The following TP63 variants were observed in gnomAD, a reference collection of about 807,000 sequenced individuals.
TP63 encodes tumor protein p63, also known as tumor protein 63.
TP63 carries 17 observed loss-of-function variants against 82.8 expected under a neutral mutation model. The ratio of observed to expected loss-of-function variants is 0.21; its 90% CI spans 0.14 to 0.31. The LOEUF is 0.31. TP63 is among the 10% of genes least tolerant of loss of function. The pLI, the probability that TP63 is intolerant of heterozygous loss-of-function variation, is 1.00. For synonymous variants in TP63, 330 were observed against 321.7 expected (o/e 1.03, Z -0.28); for missense variants, 648 against 895.3 (o/e 0.72, Z 3.52).
chr3:189,813,232 A>G (rs1458661648), intron 4 of TP63, among the ~76,000 whole-genome samples: 1 of 152,238 alleles, frequency 6.6e-6, no homozygotes, highest in Non-Finnish European at 1.5e-5. Flanking sequence ...TATAATGACA[A>G]ACTACTGGAA....
At chr3:189,762,331 T>C (rs1207849793) in intron 3 of TP63, among the ~76,000 whole-genome samples, 1 of 152,188 alleles carries the variant, frequency 6.6e-6, no homozygotes, top group Admixed American at 6.5e-5. Context: ...GTGTTTAAGG[T>C]TCAGGGAAAC....
At position 189,631,802 on chromosome 3, in the gene TP63, C is replaced by T. The variant is rs77398377; in HGVS notation, c.62+225C>T. The stretch of plus-strand genomic sequence containing the variant: ...AGTGAAAAAATTTGAAGCGAATCTT[C>T]CCATTTAAAAAAAATTATCACGCCA... On this transcript the variant is annotated intron_variant, in intron 1 of 13. Transcript: ENST00000264731. Among the ~76,000 whole-genome samples the T allele has an allele frequency of 8.4e-3, 1,283 of 152,070 alleles. 11 individuals carry two copies. The highest frequency in any genetic ancestry group is 0.014 in the Non-Finnish European group (982 of 67,982).
intron 10 of TP63, 167 bp downstream of exon 10, chr3:189,873,162 C>T (rs1560286294): frequency 5.4e-6 from 5 of 933,774 alleles, no homozygotes; most frequent in East Asian, 5.1e-5. Context: ...ACCTTTTTTA[C>T]GTGTCTTATT....
At chr3:189,844,111 T>C (rs887876454) in intron 4 of TP63, 3 of 299,344 alleles carry the variant, frequency 1.0e-5, no homozygotes, top group Non-Finnish European at 6.8e-6. Flanking sequence ...CAGAACACAT[T>C]GACCTGATGT....
At chr3:189,858,611 C>T (rs1716613369) in intron 4 of TP63, among the ~76,000 whole-genome samples, 1 of 151,882 alleles carries the variant, frequency 6.6e-6, no homozygotes, top group South Asian at 2.1e-4. Context: ...CCCATCTCTA[C>T]AAAAAACATA....
At chr3:189,643,462 A>AG (rs1204825426) in intron 1 of TP63, among the ~76,000 whole-genome samples, 1 of 151,784 alleles carries the variant, frequency 6.6e-6, no homozygotes, top group African/African-American at 2.4e-5. Flanking sequence ...GATTAAAAAA[A>AG]AAAAACCCTC....
intron 4 of TP63, among the ~76,000 whole-genome samples, chr3:189,815,511 T>C (rs183295784): frequency 2.6e-4 from 39 of 152,232 alleles, no homozygotes; most frequent in Non-Finnish European, 4.0e-4. Context: ...TTTAAAATAT[T>C]AAATTAATTA....
intron 3 of TP63, among the ~76,000 whole-genome samples, chr3:189,792,110 A>T (rs577468977): frequency 1.3e-5 from 2 of 152,040 alleles, no homozygotes; most frequent in African/African-American, 4.8e-5. Context: ...ATATAAGAAC[A>T]CTGTTCCTTC....
At chr3:189,887,244 C>T (rs923018771) in intron 11 of TP63, among the ~76,000 whole-genome samples, 4 of 151,578 alleles carry the variant, frequency 2.6e-5, no homozygotes, top group Non-Finnish European at 2.9e-5. Context: ...AGTAGATTAT[C>T]GTCTGGACTC....
At chr3:189,736,602 AG>A (rs1404128101) in intron 1 of TP63, among the ~76,000 whole-genome samples, 7 of 152,102 alleles carry the variant, frequency 4.6e-5, no homozygotes, top group South Asian at 2.1e-4. Flanking sequence ...CTAGAAGATG[AG>A]ACAGTATTAT....
At chr3:189,692,810 T>C (rs1717045072) in intron 1 of TP63, among the ~76,000 whole-genome samples, 1 of 152,126 alleles carries the variant, frequency 6.6e-6, no homozygotes, top group African/African-American at 2.4e-5. Context: ...GGCCAATCTG[T>C]TTACTGAACT....
intron 3 of TP63, among the ~76,000 whole-genome samples, chr3:189,797,594 A>C (rs1725845471): frequency 6.6e-6 from 1 of 152,046 alleles, no homozygotes; most frequent in African/African-American, 2.4e-5. Flanking sequence ...GGGCAACATC[A>C]GATGTTTGGG....
In TP63 at chr3:189,854,237, T is replaced by A. The variant is rs111688457; in HGVS notation, c.580-9995T>A. Among the ~76,000 whole-genome samples, 1,210 of 152,152 alleles carry A rather than the reference T, an allele frequency of 8.0e-3. 17 individuals carry two copies. The highest frequency in any genetic ancestry group is 0.027 in the African/African-American group (1,128 of 41,476). Reference sequence around the variant, plus strand: ...TCTCTCCTATGTTGTTGTTTTTATGTTTGTTTGTTTGAGATGGACTTTTGC... The same window carrying A: ...TCTCTCCTATGTTGTTGTTTTTATGATTGTTTGTTTGAGATGGACTTTTGC... On this transcript the variant is annotated intron_variant, in intron 4 of 13. Coordinates refer to ENST00000264731, the MANE Select transcript of TP63 (RefSeq NM_003722.5).
intron 4 of TP63, among the ~76,000 whole-genome samples, chr3:189,851,872 A>G (rs2108767499): frequency 6.6e-6 from 1 of 152,298 alleles, no homozygotes; most frequent in Middle Eastern, 3.4e-3. Context: ...TCAGCTCTCC[A>G]GGAGAGATTT....
intron 1 of TP63, among the ~76,000 whole-genome samples, chr3:189,664,759 A>T (rs1714227652): frequency 6.6e-6 from 1 of 152,156 alleles, no homozygotes; most frequent in Admixed American, 6.6e-5. Context: ...AGTTCCATCT[A>T]CTTTCATAAT....
chr3:189,737,424 T>G (rs1283009232), intron 1 of TP63, among the ~76,000 whole-genome samples: 2 of 152,182 alleles, frequency 1.3e-5, no homozygotes, highest in Non-Finnish European at 2.9e-5. Context: ...GTTTATTTTC[T>G]TTTCAAAATC....
At chr3:189,795,599 A>G (rs1725613334) in intron 3 of TP63, among the ~76,000 whole-genome samples, 1 of 152,056 alleles carries the variant, frequency 6.6e-6, no homozygotes, top group South Asian at 2.1e-4. Flanking sequence ...AACGTGAAGG[A>G]ACATAGTATA....
At chr3:189,850,098 A>G (rs1715430503) in intron 4 of TP63, among the ~76,000 whole-genome samples, 1 of 152,154 alleles carries the variant, frequency 6.6e-6, no homozygotes, top group Non-Finnish European at 1.5e-5. Context: ...CCTGACCAAC[A>G]TGGCAGAACG....
intron 4 of TP63, among the ~76,000 whole-genome samples, chr3:189,809,723 A>G (rs1226321278): frequency 6.6e-6 from 1 of 152,214 alleles, no homozygotes; most frequent in Admixed American, 6.5e-5. Flanking sequence ...TTTAGTTTGT[A>G]TAGTTTATAA....
Sources: allele counts gnomAD v4.1 joint callset (sites outside exome capture counted in the v4.1 genomes callset), GRCh38; gene constraint gnomAD v4.1.1; transcripts MANE v1.5; gene names NCBI Gene and HGNC (gene_info 2026-07-23, HGNC 2026-07-21).